MGMT: variants seen among roughly 807,000 people sequenced by gnomAD.
MGMT encodes the protein methylated-DNA--protein-cysteine methyltransferase.
Under a neutral mutation model 15.9 loss-of-function variants are expected in MGMT, and 14 were observed. That is an observed-to-expected ratio of 0.88 (90% CI 0.58 to 1.37). The LOEUF is 1.37. MGMT is among the 40% of genes most tolerant of loss of function. MGMT has a pLI of 0.00. For synonymous variants in MGMT, 130 were observed against 118.2 expected, an observed-to-expected ratio of 1.10 and a Z score of -0.65; for missense variants, 282 against 268.1, an observed-to-expected ratio of 1.05 and a Z score of -0.36.
At position 129,536,322 on chromosome 10, in the gene MGMT, T is replaced by A. The variant is rs368258514; in HGVS notation, c.70T>A (p.Cys24Ser). 11 of 1,614,138 alleles carry A rather than the reference T, an allele frequency of 6.8e-6. No individual in the cohort carries two copies. The highest frequency in any genetic ancestry group is 9.3e-6 in the Non-Finnish European group (11 of 1,180,038). ...SPLGKLELSG[C>S]EQGLHEIKLL... The stretch of plus-strand genomic sequence containing the variant: ...TTTGGGGAAGCTGGAGCTGTCTGGT[T>A]GTGAGCAGGGTCTGCACGAAATAAA... Residue 24 changes from cysteine (C) to serine (S), a missense_variant, in exon 2 of 5, where the codon TGT becomes AGT. Transcript: ENST00000651593.
At chr10:129,758,120 A>G (rs1369726513) in intron 3 of MGMT, among the ~76,000 whole-genome samples, 1 of 152,244 alleles carries the variant, frequency 6.6e-6, no homozygotes, top group Non-Finnish European at 1.5e-5. Context: ...AAGACTAAAC[A>G]GATTTTTTTC....
intron 2 of MGMT, among the ~76,000 whole-genome samples, chr10:129,686,012 C>A (rs935217328): frequency 6.6e-6 from 1 of 152,210 alleles, no homozygotes; most frequent in Non-Finnish European, 1.5e-5. Context: ...GGCAGATGTG[C>A]TTAACCGCCA....
In MGMT at chr10:129,590,732, T is replaced by A. The variant is rs1820266871; in HGVS notation, c.125+54355T>A. The stretch of plus-strand genomic sequence containing the variant: ...CAGCAAGATAGGGTATACGGGCATT[T>A]AAGGGATTCACAATCCACAGTTTAC... On this transcript the variant is annotated intron_variant, in intron 2 of 4. Transcript: ENST00000651593. Among the ~76,000 whole-genome samples the A allele has an allele frequency of 2.0e-5, 3 of 152,216 alleles. 1 individual carries two copies. Among genetic ancestry groups the A allele is most frequent in the Admixed American group, 2.0e-4 (3 of 15,286 alleles).
intron 1 of MGMT, among the ~76,000 whole-genome samples, chr10:129,502,518 TG>T (rs1845584890): frequency 6.6e-6 from 1 of 152,120 alleles, no homozygotes; most frequent in Non-Finnish European, 1.5e-5. Flanking sequence ...ATCACATAAT[TG>T]TTTTATTTTG....
At chr10:129,544,888 C>A (rs1033396049) in intron 2 of MGMT, among the ~76,000 whole-genome samples, 1 of 152,158 alleles carries the variant, frequency 6.6e-6, no homozygotes, top group Non-Finnish European at 1.5e-5. Flanking sequence ...ATCTCAGAGC[C>A]CATTTCTGTT....
chr10:129,687,698 C>CT lies in MGMT; in HGVS notation c.126-20182dup, dbSNP rs35636912. Among the ~76,000 whole-genome samples the CT allele has an allele frequency of 2.3e-3, 335 of 142,912 alleles. 5 individuals are homozygous for CT. The South Asian group carries it at 0.033, about 14-fold the overall frequency. 93.8% of individuals were successfully genotyped at this position (142,912 alleles called of 152,430 possible). A position where few individuals can be genotyped will look rare whatever the true frequency, so the allele number is the denominator to read the frequency against. ...GTCTGGGAAACTCACATGTGTAGCC[C>CT]TTTTTTTTTTTTTTTATACTTTAAG... On this transcript the variant is annotated intron_variant, in intron 2 of 4. Coordinates refer to ENST00000651593, the MANE Select transcript of MGMT (RefSeq NM_002412.5).
rs373347621 is a variant in MGMT at position 129,553,716 on chromosome 10, A to G, written c.125+17339A>G. Reference sequence around the variant, plus strand: ...TGGAGGCACAAGGAGAGAGTGGTAGAAATACACAAAAGGCATTGAAGACCA... The same window carrying G: ...TGGAGGCACAAGGAGAGAGTGGTAGGAATACACAAAAGGCATTGAAGACCA... On this transcript the variant is annotated intron_variant, in intron 2 of 4. Coordinates refer to ENST00000651593, the MANE Select transcript of MGMT (RefSeq NM_002412.5). Among the ~76,000 whole-genome samples, 5 of 152,290 alleles carry G rather than the reference A, an allele frequency of 3.3e-5. No homozygotes were observed. The East Asian group carries it at 7.7e-4, about 24-fold the overall frequency.
chr10:129,644,672 GGAAATAAAACCTCCCA>G (rs1490628185), intron 2 of MGMT, among the ~76,000 whole-genome samples: 1 of 152,104 alleles, frequency 6.6e-6, no homozygotes, highest in Admixed American at 6.5e-5. Context: ...TTATCAGAAG[GGAAATAAAACCTCCCA>G]GATAGCTTGG....
chr10:129,766,781 C>G lies in MGMT; in HGVS notation c.415-7C>G. On this transcript the variant is annotated splice_region_variant and splice_polypyrimidine_tract_variant and intron_variant, in intron 4 of 4. Transcript: ENST00000651593. ...TGACTGACAGTGGCTGCCCCCCTGTCTTCCAGGTCCCCATCCTCATCCCGT... is the reference window on the plus strand; with the variant it reads ...TGACTGACAGTGGCTGCCCCCCTGTGTTCCAGGTCCCCATCCTCATCCCGT... 1 of 1,610,340 alleles carries G rather than the reference C, an allele frequency of 6.2e-7. No individual in the cohort carries two copies. The highest frequency in any genetic ancestry group is 8.5e-7 in the Non-Finnish European group (1 of 1,178,932).
At chr10:129,574,860 T>C (rs1033513481) in intron 2 of MGMT, among the ~76,000 whole-genome samples, 18 of 152,218 alleles carry the variant, frequency 1.2e-4, no homozygotes, top group African/African-American at 4.3e-4. Context: ...TTTTCTCTTA[T>C]TTCTGTCAGA....
At chr10:129,567,395 T>C (rs1357213486) in intron 2 of MGMT, among the ~76,000 whole-genome samples, 1 of 152,160 alleles carries the variant, frequency 6.6e-6, no homozygotes, top group Non-Finnish European at 1.5e-5. Context: ...CATAACTCGT[T>C]GGTGCTGGAG....
chr10:129,562,427 G>A (rs574750842), intron 2 of MGMT, among the ~76,000 whole-genome samples: 2 of 152,326 alleles, frequency 1.3e-5, no homozygotes, highest in Non-Finnish European at 2.9e-5. Context: ...GGACGATTTT[G>A]TGATTTATTA....
intron 1 of MGMT, among the ~76,000 whole-genome samples, chr10:129,481,909 T>C (rs1196304719): frequency 6.6e-6 from 1 of 152,216 alleles, no homozygotes; most frequent in Admixed American, 6.5e-5. Flanking sequence ...TCTCTCTTAC[T>C]GATTTCTCCT....
chr10:129,677,843 G>A (rs949766052), intron 2 of MGMT, among the ~76,000 whole-genome samples: 81 of 152,248 alleles, frequency 5.3e-4, no homozygotes, highest in Non-Finnish European at 8.8e-4. Flanking sequence ...CAGGTTCCGG[G>A]GGCATCTCTG....
At chr10:129,563,414 C>A (rs77687234) in intron 2 of MGMT, among the ~76,000 whole-genome samples, 4,939 of 152,266 alleles carry the variant, frequency 0.032, 128 homozygotes, top group South Asian at 0.064. Flanking sequence ...GAGAGTGTGG[C>A]TCTCCCTGGT....
intron 2 of MGMT, among the ~76,000 whole-genome samples, chr10:129,603,892 A>G (rs996222978): frequency 6.6e-6 from 1 of 152,204 alleles, no homozygotes; most frequent in African/African-American, 2.4e-5. Flanking sequence ...TCCTAGATTG[A>G]AGATATTAAC....
chr10:129,689,654 C>T (rs1589938447), intron 2 of MGMT, among the ~76,000 whole-genome samples: 1 of 152,326 alleles, frequency 6.6e-6, no homozygotes, highest in East Asian at 1.9e-4. Flanking sequence ...TGTGCCAGCT[C>T]TTATAAAAAT....
chr10:129,714,678 C>G (rs1266974295), intron 3 of MGMT, among the ~76,000 whole-genome samples: 1 of 152,196 alleles, frequency 6.6e-6, no homozygotes, highest in Non-Finnish European at 1.5e-5. Context: ...CCTATGAATG[C>G]TTTTGCTGTG....
intron 2 of MGMT, among the ~76,000 whole-genome samples, chr10:129,572,878 A>G (rs1564856492): frequency 1.3e-5 from 2 of 152,166 alleles, no homozygotes; most frequent in South Asian, 2.1e-4. Flanking sequence ...CCTATTATTA[A>G]TATACATTTA....
Sources: gnomAD v4.1 joint callset for allele counts (sites outside exome capture counted in the v4.1 genomes callset) on GRCh38, gnomAD v4.1.1 for gene constraint, MANE v1.5 for transcripts, NCBI Gene and HGNC (gene_info 2026-07-23, HGNC 2026-07-21) for gene names.